Variants in COL11A2 observed in about 807,000 individuals in gnomAD.
COL11A2 encodes collagen alpha-2(XI) chain.
Under a neutral mutation model 273.4 loss-of-function variants are expected in COL11A2, and 116 were observed. The observed-to-expected ratio is 0.42, with a 90% CI of 0.36 to 0.49. The LOEUF (loss-of-function observed/expected upper bound fraction) is 0.49, where lower values mean the gene tolerates loss of function less well. Ranked by LOEUF, COL11A2 falls within the 20% of genes least tolerant of loss-of-function variation. The probability of loss-of-function intolerance (pLI) is 0.00; values close to 1 mark genes in which losing one functional copy is unlikely to be tolerated. For synonymous variants in COL11A2, 782 were observed against 864.2 expected (o/e 0.90, Z 1.67); for missense variants, 1,866 against 2,309.0 (o/e 0.81, Z 3.93).
At position 33,168,966 on chromosome 6, in the gene COL11A2, C is replaced by G; in HGVS notation, c.3841G>C (p.Gly1281Arg). 1 of 1,609,872 alleles carries G rather than the reference C, an allele frequency of 6.2e-7. No individual in the cohort carries two copies. Among genetic ancestry groups the G allele is most frequent in the Non-Finnish European group, 8.5e-7 (1 of 1,178,380 alleles). Reference protein sequence around the residue: ...FPGDPGPPGEGGPRGQDGAKG... With the variant: ...FPGDPGPPGERGPRGQDGAKG... ...TGAGTAAGACTCACCCGAGGGCCAC[C>G]TTCTCCAGGGGGGCCAGGGTCACCA... The change falls in exon 52 of 66, where the codon GGT becomes CGT. Residue 1281 changes from glycine (G) to arginine (R), a missense_variant. Transcript: ENST00000341947.
rs766543729 is a variant in COL11A2, at chr6:33,186,762, A to G, written c.663T>C (p.Cys221=). The G allele has an allele frequency of 6.2e-7, 1 of 1,614,092 alleles. No individual in the cohort carries two copies. The highest frequency in any genetic ancestry group is 1.1e-5 in the South Asian group (1 of 91,076). The change falls in exon 5 of 66, where the codon TGT becomes TGC. Residue 221 remains cysteine (C), a synonymous_variant. Coordinates refer to ENST00000341947, the MANE Select transcript of COL11A2 (RefSeq NM_080680.3). ...VPGVQAAYES[C]EQKELECEGG... is the part of the protein sequence containing the mutation. ...CCTCGCATTCCAGCTCCTTCTGTTC[A>G]CATGATTCATAGGCTGCCTGGACCC...
At chr6:33,188,834 T>A (rs998250296) in intron 3 of COL11A2, 144 bp downstream of exon 3, 19 of 991,670 alleles carry the variant, frequency 1.9e-5, no homozygotes, top group African/African-American at 4.8e-5. Context: ...AACTCTGGAC[T>A]AGAAGTGACT....
Position 33,166,467 on chromosome 6 carries a change from C to G in COL11A2, c.4392+46G>C, listed in dbSNP as rs764477082. On this transcript the variant is annotated intron_variant, in intron 60 of 65. Coordinates refer to ENST00000341947, the MANE Select transcript of COL11A2 (RefSeq NM_080680.3). The surrounding 1 kb of genome is among the most constrained non-coding windows in gnomAD (Gnocchi z 4.8). ...TCGTTGGGAGGCTGTGGGTGGGCAG[C>G]AGAGGGGTTTAGGGGATTTTGTGGA... The G allele has an allele frequency of 1.9e-6, 3 of 1,596,618 alleles. No individual in the cohort carries two copies. Among genetic ancestry groups the G allele is most frequent in the East Asian group, 2.2e-5 (1 of 44,760 alleles).
chr6:33,167,739 G>A lies in COL11A2; in HGVS notation c.4014+60C>T. ...GATGGGGTGGGCATCTGGAGACGGA[G>A]GCATCTGAGGGGTGGGAGGCGGAGG... is the stretch of plus-strand genomic sequence containing the variant. On this transcript the variant is annotated intron_variant, in intron 55 of 65. Coordinates refer to ENST00000341947, the MANE Select transcript of COL11A2 (RefSeq NM_080680.3). The surrounding 1 kb of genome is among the most constrained non-coding windows in gnomAD (Gnocchi z 6.1). 6.3e-7 allele frequency: 1 copy of A among 1,598,242 alleles called. No homozygotes were observed. The highest frequency in any genetic ancestry group is 1.7e-5 in the Admixed American group (1 of 59,274).
At position 33,164,015 on chromosome 6, in the gene COL11A2, T is replaced by C. The variant is rs1373588191; in HGVS notation, c.5071-197A>G. On this transcript the variant is annotated intron_variant, in intron 65 of 65. Transcript: ENST00000341947. This position sits in a 1 kb window ranked among gnomAD's most constrained non-coding sequence, Gnocchi z 4.7. The stretch of plus-strand genomic sequence containing the variant: ...ACCGTGTGCCTCTGCTGGGCAGCCA[T>C]GTGCCAGTCTGTGTACACGTCTGCA... 1.3e-5 allele frequency among the ~76,000 whole-genome samples: 2 copies of C among 152,162 alleles called. No homozygotes were observed. The highest frequency in any genetic ancestry group is 4.8e-5 in the African/African-American group (2 of 41,434).
chr6:33,167,848 G>A lies in COL11A2; in HGVS notation c.3965C>T (p.Pro1322Leu). ...CCCCTCGGAACCAGGCGAGCCAGCA[G>A]GACCCTGCAGGTGGAGTGGGAAGGA... ...GPPGPLGKRG[P>L]AGSPGSEGRQ... is the part of the protein sequence containing the mutation. The change falls in exon 55 of 66, where the codon CCT becomes CTT. Residue 1322 changes from proline (P) to leucine (L), a missense_variant. By Grantham distance (98) the Pro-to-Leu change is moderately conservative. Coordinates refer to ENST00000341947, the MANE Select transcript of COL11A2 (RefSeq NM_080680.3). This position sits in a 1 kb window ranked among gnomAD's most constrained non-coding sequence, Gnocchi z 6.1. 1 of 1,612,902 alleles carries A rather than the reference G, an allele frequency of 6.2e-7. No homozygotes were observed. Among genetic ancestry groups the A allele is most frequent in the Non-Finnish European group, 8.5e-7 (1 of 1,179,956 alleles).
Position 33,163,427 on chromosome 6 carries a change from A to G in COL11A2, c.*251T>C. On this transcript the variant is annotated 3_prime_UTR_variant, in exon 66 of 66. Coordinates refer to ENST00000341947, the MANE Select transcript of COL11A2 (RefSeq NM_080680.3). The surrounding 1 kb of genome is among the most constrained non-coding windows in gnomAD (Gnocchi z 4.1). ...GTGATTGGGAGGTGAGTTTTAAATAAGGGTCTCAGCTCTCTAACGGGTAAC... is the reference window on the plus strand; with the variant it reads ...GTGATTGGGAGGTGAGTTTTAAATAGGGGTCTCAGCTCTCTAACGGGTAAC... 1 of 583,060 alleles carries G rather than the reference A, an allele frequency of 1.7e-6. No individual in the cohort carries two copies. Among genetic ancestry groups the G allele is most frequent in the African/African-American group, 1.9e-5 (1 of 53,766 alleles). The allele number at this position is 583,060 out of a possible 1,614,324, so 36.1% of individuals were successfully genotyped here. A position where few individuals can be genotyped will look rare whatever the true frequency, so the allele number is the denominator to read the frequency against.
Position 33,167,699 on chromosome 6 carries a change from C to T in COL11A2, c.4014+100G>A. ...AACGCCTGTCCCCATAAGGGCCCAA[C>T]ATGGGAGAGGTGGAGATGGGGTGGG... On this transcript the variant is annotated intron_variant, in intron 55 of 65. Transcript: ENST00000341947. This position sits in a 1 kb window ranked among gnomAD's most constrained non-coding sequence, Gnocchi z 6.1. 1.3e-6 allele frequency: 2 copies of T among 1,518,954 alleles called. No homozygotes were observed. Among genetic ancestry groups the T allele is most frequent in the Admixed American group, 3.6e-5 (2 of 54,848 alleles). The allele number at this position is 1,518,954 out of a possible 1,614,324, so 94.1% of individuals were successfully genotyped here.
chr6:33,174,174 C>A lies in COL11A2; in HGVS notation c.2475G>T (p.Lys825Asn). The A allele has an allele frequency of 6.3e-7, 1 of 1,584,482 alleles. No individual in the cohort carries two copies. The highest frequency in any genetic ancestry group is 2.3e-5 in the East Asian group (1 of 42,638). The change falls in exon 32 of 66, where the codon AAG (lysine) becomes AAT (asparagine). Residue 825 changes from lysine to asparagine, a missense_variant. Coordinates refer to ENST00000341947, the MANE Select transcript of COL11A2 (RefSeq NM_080680.3). ...CCACCCCCCAGCTTACCCGGGCTCCCTTCTCTCCACTGGCACCAGGAAAGC... is the reference window on the plus strand; with the variant it reads ...CCACCCCCCAGCTTACCCGGGCTCCATTCTCTCCACTGGCACCAGGAAAGC... ...FPGFPGASGE[K>N]GARGLSGKSG...
At chr6:33,184,401 G>A in intron 7 of COL11A2, 77 bp from the exon 8 acceptor site, 12 of 1,054,276 alleles carry the variant, frequency 1.1e-5, no homozygotes, top group East Asian at 5.0e-5. Context: ...ACCCCAGGGT[G>A]TGACAACTTC....
chr6:33,181,746 A>T (rs1771765173), intron 8 of COL11A2, among the ~76,000 whole-genome samples: 1 of 151,874 alleles, frequency 6.6e-6, no homozygotes, highest in African/African-American at 2.4e-5. Flanking sequence ...TTGGCCTCCT[A>T]AAGTGCTGGA....
chr6:33,175,646 A>T lies in COL11A2; in HGVS notation c.2304T>A (p.Asp768Glu), dbSNP rs765471187. The T allele has an allele frequency of 3.7e-6, 6 of 1,612,940 alleles. No individual in the cohort carries two copies. The highest frequency in any genetic ancestry group is 4.2e-6 in the Non-Finnish European group (5 of 1,180,000). The change falls in exon 30 of 66, where the codon GAT (aspartate) becomes GAA (glutamate). Residue 768 changes from aspartate (D) to glutamate (E), a missense_variant. By Grantham distance (45) the Asp-to-Glu change is conservative (BLOSUM62 2). Coordinates refer to ENST00000341947, the MANE Select transcript of COL11A2 (RefSeq NM_080680.3). ...EVGVPGSRGE[D>E]GPEGPKGRTG... ...TGCGTCCCTTTGGCCCCTCAGGACC[A>T]TCCTCTCCCCTGGAACCAGGGACTC...
chr6:33,178,876 G>C lies in COL11A2; in HGVS notation c.1665+44C>G. 1 of 1,611,856 alleles carries C rather than the reference G, an allele frequency of 6.2e-7. No individual in the cohort carries two copies. The highest frequency in any genetic ancestry group is 1.3e-5 in the African/African-American group (1 of 74,986). On this transcript the variant is annotated intron_variant, in intron 17 of 65. Coordinates refer to ENST00000341947, the MANE Select transcript of COL11A2 (RefSeq NM_080680.3). This position sits in a 1 kb window ranked among gnomAD's most constrained non-coding sequence, Gnocchi z 4.6. ...CCCAAGAAACAACTGAGCCCAGCGTGGGCTGAAGGCTACAGGCTTCAGGGA... is the reference window on the plus strand; with the variant it reads ...CCCAAGAAACAACTGAGCCCAGCGTCGGCTGAAGGCTACAGGCTTCAGGGA...
chr6:33,173,753 G>A lies in COL11A2; in HGVS notation c.2584-8C>T. 1 of 1,596,712 alleles carries A rather than the reference G, an allele frequency of 6.3e-7. No individual in the cohort carries two copies. The highest frequency in any genetic ancestry group is 2.2e-5 in the East Asian group (1 of 44,570). On this transcript the variant is annotated splice_region_variant and splice_polypyrimidine_tract_variant and intron_variant, in intron 34 of 65. Transcript: ENST00000341947. This position sits in a 1 kb window ranked among gnomAD's most constrained non-coding sequence, Gnocchi z 6.3. ...ATCACCACCAGATGTTCCCTGTGGG[G>A]GGAAACAGAGTCAAGGAGTGGGAAG...
chr6:33,190,126 A>T lies in COL11A2; in HGVS notation c.83-657T>A, dbSNP rs1354610327. Among the ~76,000 whole-genome samples, 1 of 151,966 alleles carries T rather than the reference A, an allele frequency of 6.6e-6. No homozygotes were observed. Among genetic ancestry groups the T allele is most frequent in the African/African-American group, 2.4e-5 (1 of 41,378 alleles). On this transcript the variant is annotated intron_variant, in intron 1 of 65. Transcript: ENST00000341947. This position sits in a 1 kb window ranked among gnomAD's most constrained non-coding sequence, Gnocchi z 4.5. ...GGATGGGGTGGGAACAACCCTGAGC[A>T]TGCTGAGGAAAAAGATACAAGAAAG...
chr6:33,164,750 G>T lies in COL11A2; in HGVS notation c.4863+102C>A, dbSNP rs1468193242. 21 of 1,015,784 alleles carry T rather than the reference G, an allele frequency of 2.1e-5. No homozygotes were observed. In the Admixed American group the frequency reaches 3.7e-4, roughly 18 times the overall value. The allele number at this position is 1,015,784 out of a possible 1,614,324, so 62.9% of individuals were successfully genotyped here. Reference sequence around the variant, plus strand: ...TGGAGAAGGGGTGGCAGGCTCCGGGGGGGGCAACAGCCAGGGGACTGTCAC... The same window carrying T: ...TGGAGAAGGGGTGGCAGGCTCCGGGTGGGGCAACAGCCAGGGGACTGTCAC... On this transcript the variant is annotated intron_variant, in intron 64 of 65. Coordinates refer to ENST00000341947, the MANE Select transcript of COL11A2 (RefSeq NM_080680.3). This position sits in a 1 kb window ranked among gnomAD's most constrained non-coding sequence, Gnocchi z 4.7.
chr6:33,178,766 C>G lies in COL11A2; in HGVS notation c.1666-34G>C. On this transcript the variant is annotated intron_variant, in intron 17 of 65. Transcript: ENST00000341947. This position sits in a 1 kb window ranked among gnomAD's most constrained non-coding sequence, Gnocchi z 4.6. ...AGGAAGGATAGCCAGAGTGAGGACA[C>G]GACCCTGTCCAAGCCCACCCCTCCC... The G allele has an allele frequency of 6.2e-7, 1 of 1,612,010 alleles. No individual in the cohort carries two copies. The highest frequency in any genetic ancestry group is 8.5e-7 in the Non-Finnish European group (1 of 1,179,240).
At position 33,169,332 on chromosome 6, in the gene COL11A2, C is replaced by A. The variant is rs1382827203; in HGVS notation, c.3798+51G>T. Reference sequence around the variant, plus strand: ...CTCACACACACCCATATTCCCAGGTCTGTCATTCACAGGGCCTGAGAGGAC... The same window carrying A: ...CTCACACACACCCATATTCCCAGGTATGTCATTCACAGGGCCTGAGAGGAC... On this transcript the variant is annotated intron_variant, in intron 51 of 65. Coordinates refer to ENST00000341947, the MANE Select transcript of COL11A2 (RefSeq NM_080680.3). The surrounding 1 kb of genome is among the most constrained non-coding windows in gnomAD (Gnocchi z 5.5). The A allele has an allele frequency of 6.6e-7, 1 of 1,505,566 alleles. No individual in the cohort carries two copies. The highest frequency in any genetic ancestry group is 1.7e-5 in the Admixed American group (1 of 59,070). 93.3% of individuals were successfully genotyped at this position (1,505,566 alleles called of 1,614,324 possible).
Position 33,167,519 on chromosome 6 carries a change from A to G in COL11A2, c.4029T>C (p.Ala1343=). The G allele has an allele frequency of 2.5e-6, 4 of 1,612,762 alleles. No homozygotes were observed. In the South Asian group the frequency reaches 3.3e-5, roughly 13 times the overall value. Residue 1343 remains alanine, a synonymous_variant, in exon 56 of 66, where the codon GCT becomes GCC. Coordinates refer to ENST00000341947, the MANE Select transcript of COL11A2 (RefSeq NM_080680.3). The surrounding 1 kb of genome is among the most constrained non-coding windows in gnomAD (Gnocchi z 6.1). ...GGKGAKGDPG[A]IGAPGKTGPV... ...GGCCTGTCTTCCCCGGGGCACCTAT[A>G]GCGCCAGGATCTCCCTGAAACACAC... is the stretch of plus-strand genomic sequence containing the variant.
Sources: allele counts gnomAD v4.1 joint callset (sites outside exome capture counted in the v4.1 genomes callset), GRCh38; gene constraint gnomAD v4.1.1; non-coding constraint Gnocchi (gnomAD v3.1); transcripts MANE v1.5; gene names NCBI Gene and HGNC (gene_info 2026-07-23, HGNC 2026-07-21).